The following ZNF782 variants were observed in gnomAD, a reference collection of about 807,000 sequenced individuals.
The protein encoded by ZNF782 is zinc finger protein 782.
A neutral mutation model predicts 13.0 loss-of-function variants in ZNF782; 12 were observed. The ratio of observed to expected loss-of-function variants is 0.92; its 90% CI spans 0.59 to 1.50. ZNF782 has a LOEUF of 1.50. Among genes scored for constraint, ZNF782 ranks in the 40% most tolerant of loss-of-function variants. The probability of loss-of-function intolerance (pLI) is 0.00; values close to 1 mark genes in which losing one functional copy is unlikely to be tolerated. For missense variants in ZNF782, 770 were observed against 822.9 expected (o/e 0.94, Z 0.79); for synonymous variants, 284 against 283.0 (o/e 1.00, Z -0.04).
intron 2 of ZNF782, among the ~76,000 whole-genome samples, chr9:96,852,520 G>A (rs912918266): frequency 3.9e-5 from 6 of 152,076 alleles, no homozygotes; most frequent in East Asian, 1.9e-4. Flanking sequence ...GGTGGCATGC[G>A]CCTGTGGTCC....
chr9:96,873,115 G>A (rs1309209450), intron 1 of ZNF782, among the ~76,000 whole-genome samples: 1 of 151,708 alleles, frequency 6.6e-6, no homozygotes, highest in Non-Finnish European at 1.5e-5. Flanking sequence ...TAGCCACTTA[G>A]CTTCAGTGAT....
At chr9:96,849,489 A>ATCTC (rs1253446776) in intron 3 of ZNF782, among the ~76,000 whole-genome samples, 8 of 152,220 alleles carry the variant, frequency 5.3e-5, no homozygotes, top group Admixed American at 5.2e-4. Context: ...ACTGGATCCT[A>ATCTC]TCTCTCACTT....
the ZNF782 span, among the ~76,000 whole-genome samples, chr9:96,912,057 C>T: frequency 2.0e-5 from 3 of 150,476 alleles, no homozygotes; most frequent in African/African-American, 7.3e-5. Flanking sequence ...AAAAATCAGC[C>T]GGGCGTGGTG....
intron 4 of ZNF782, among the ~76,000 whole-genome samples, chr9:96,837,585 CTCTT>C (rs1393284902): frequency 6.6e-6 from 1 of 151,966 alleles, no homozygotes; most frequent in Non-Finnish European, 1.5e-5. Context: ...GTTTAGTTTG[CTCTT>C]TCTTTAGTTT....
At chr9:96,912,898 A>G in the ZNF782 span, among the ~76,000 whole-genome samples, 2 of 152,056 alleles carry the variant, frequency 1.3e-5, no homozygotes, top group African/African-American at 2.4e-5. Context: ...GCATGAAACA[A>G]TGTTGTCCAA....
intron 5 of ZNF782, among the ~76,000 whole-genome samples, chr9:96,826,507 C>T (rs1020533997): frequency 1.3e-5 from 2 of 152,006 alleles, no homozygotes; most frequent in African/African-American, 4.8e-5. Flanking sequence ...TATGTACTAA[C>T]CTGCACATTG....
rs1396782618 is a variant in ZNF782, at chr9:96,875,614, G to C, written c.-603C>G. On this transcript the variant is annotated 5_prime_UTR_variant, in exon 1 of 6. Coordinates refer to the ZNF782 transcript ENST00000498811. ...CGCCGCGGGCATGCGCTTTCCCCAAGGTTCGCACTGAACACCTGTTCCTAA... is the reference window on the plus strand; with the variant it reads ...CGCCGCGGGCATGCGCTTTCCCCAACGTTCGCACTGAACACCTGTTCCTAA... The C allele has an allele frequency of 8.8e-6, 4 of 456,320 alleles. No individual in the cohort carries two copies. The East Asian group carries it at 2.8e-4, about 32-fold the overall frequency. 28.3% of individuals were successfully genotyped at this position (456,320 alleles called of 1,614,324 possible).
the ZNF782 span, among the ~76,000 whole-genome samples, chr9:96,918,100 G>A: frequency 6.6e-6 from 1 of 151,030 alleles, no homozygotes; most frequent in African/African-American, 2.4e-5. Context: ...ATTTATGATT[G>A]ACAGAAAATG....
chr9:96,827,055 C>A, intron 5 of ZNF782, 25 bp downstream of exon 5: 1 of 1,524,946 alleles, frequency 6.6e-7, no homozygotes, highest in Middle Eastern at 1.8e-4. Flanking sequence ...AGAGAACCTT[C>A]TTCTTGTTGA....
intron 4 of ZNF782, among the ~76,000 whole-genome samples, chr9:96,831,585 C>T (rs1364581014): frequency 6.6e-6 from 1 of 151,736 alleles, no homozygotes; most frequent in Non-Finnish European, 1.5e-5. Flanking sequence ...TGGTGGCAGG[C>T]GTCTGTAGTC....
At chr9:96,869,810 T>A (rs1210095001) in intron 1 of ZNF782, among the ~76,000 whole-genome samples, 1 of 152,238 alleles carries the variant, frequency 6.6e-6, no homozygotes, top group East Asian at 1.9e-4. Context: ...TTATTTGACA[T>A]TCCAATGCAG....
the ZNF782 span, among the ~76,000 whole-genome samples, chr9:96,911,510 G>GTTTTTTTT: frequency 2.1e-4 from 23 of 109,674 alleles, no homozygotes; most frequent in East Asian, 4.6e-3. Context: ...TTTTTTTTTT[G>GTTTTTTTT]TTTTTGTTTT....
chr9:96,821,081 A>G (rs1453451616), intron 5 of ZNF782, among the ~76,000 whole-genome samples: 1 of 152,218 alleles, frequency 6.6e-6, no homozygotes, highest in Admixed American at 6.5e-5. Context: ...TTTCCTGTGT[A>G]TATTTGACTG....
At chr9:96,829,905 T>C (rs976916609) in intron 4 of ZNF782, among the ~76,000 whole-genome samples, 1 of 152,180 alleles carries the variant, frequency 6.6e-6, no homozygotes, top group African/African-American at 2.4e-5. Flanking sequence ...ACTATGGATA[T>C]TATATATTTA....
the ZNF782 span, among the ~76,000 whole-genome samples, chr9:96,920,086 A>G: frequency 6.6e-6 from 1 of 150,586 alleles, no homozygotes; most frequent in African/African-American, 2.4e-5. Flanking sequence ...TCAAACCAGT[A>G]ATATGCCAAC....
the ZNF782 span, chr9:96,894,592 A>G: frequency 1.3e-5 from 2 of 152,166 alleles, no homozygotes; most frequent in African/African-American, 4.8e-5. Flanking sequence ...AGTTGAGCCC[A>G]ATCTCTCTCC....
intron 5 of ZNF782, among the ~76,000 whole-genome samples, chr9:96,820,540 ATCTTTTTTTTTTTTTTT>A (rs1313493603): frequency 6.8e-6 from 1 of 146,932 alleles, no homozygotes; most frequent in African/African-American, 2.6e-5. Flanking sequence ...TCAATAGTGA[ATCTTTTTTTTTTTTTTT>A]TCTTTTTTTT....
chr9:96,897,456 G>A, the ZNF782 span, among the ~76,000 whole-genome samples: 1 of 152,184 alleles, frequency 6.6e-6, no homozygotes, highest in African/African-American at 2.4e-5. Flanking sequence ...CTCTTCTCAG[G>A]ATTGGAAGGT....
intron 4 of ZNF782, 28 bp from the exon 5 acceptor site, chr9:96,827,209 G>C: frequency 6.7e-7 from 1 of 1,487,648 alleles, no homozygotes; most frequent in Non-Finnish European, 9.3e-7. Context: ...TTTAGCATTT[G>C]CATTAGTTGC....
Sources: gnomAD v4.1 joint callset for allele counts (sites outside exome capture counted in the v4.1 genomes callset) on GRCh38, gnomAD v4.1.1 for gene constraint, MANE v1.5 for transcripts, NCBI Gene and HGNC (gene_info 2026-07-23, HGNC 2026-07-21) for gene names.